MYZAP: variants seen among roughly 807,000 people sequenced by gnomAD.
MYZAP encodes myocardial zonula adherens protein.
In MYZAP, 66 loss-of-function variants were observed where a neutral mutation model predicts 69.4. The ratio of observed to expected loss-of-function variants is 0.95; its 90% CI spans 0.78 to 1.17. The LOEUF (loss-of-function observed/expected upper bound fraction) is 1.17. Among genes scored for constraint, MYZAP ranks in the 50% most tolerant of loss-of-function variants. MYZAP has a pLI of 0.00. For missense variants in MYZAP, 611 were observed against 556.2 expected (o/e 1.10, Z -0.99); for synonymous variants, 256 against 205.9 (o/e 1.24, Z -2.09).
chr15:57,665,324 GC>G (rs1442795284), intron 11 of MYZAP, among the ~76,000 whole-genome samples: 1 of 152,194 alleles, frequency 6.6e-6, no homozygotes, highest in Admixed American at 6.5e-5. Flanking sequence ...TTAGCAGTTG[GC>G]CCCGATATTT....
chr15:57,678,537 A>G (rs1442949976), intron 12 of MYZAP, among the ~76,000 whole-genome samples: 1 of 152,204 alleles, frequency 6.6e-6, no homozygotes, highest in Non-Finnish European at 1.5e-5. Flanking sequence ...AGATGATTTC[A>G]TTAACTTTTT....
intron 3 of MYZAP, among the ~76,000 whole-genome samples, chr15:57,620,573 G>A (rs1307561906): frequency 6.6e-6 from 1 of 152,240 alleles, no homozygotes; most frequent in Non-Finnish European, 1.5e-5. Flanking sequence ...GTACTGTAGA[G>A]AAACTTGAAC....
At chr15:57,622,686 T>C (rs1368992157) in intron 4 of MYZAP, among the ~76,000 whole-genome samples, 1 of 152,176 alleles carries the variant, frequency 6.6e-6, no homozygotes, top group Admixed American at 6.5e-5. Flanking sequence ...CTGTTGGAAG[T>C]CTTATACCTG....
At chr15:57,645,592 C>G (rs184543453) in intron 10 of MYZAP, among the ~76,000 whole-genome samples, 58 of 152,286 alleles carry the variant, frequency 3.8e-4, no homozygotes, top group African/African-American at 1.4e-3. Context: ...ATAAAATGCA[C>G]AGCATGTTAA....
intron 2 of MYZAP, among the ~76,000 whole-genome samples, chr15:57,612,842 C>T (rs1335047432): frequency 6.6e-6 from 1 of 152,210 alleles, no homozygotes; most frequent in African/African-American, 2.4e-5. Flanking sequence ...TCCAGAGATT[C>T]TGCGTATGTG....
chr15:57,667,373 A>G (rs895901545), intron 11 of MYZAP, among the ~76,000 whole-genome samples: 5 of 152,058 alleles, frequency 3.3e-5, no homozygotes, highest in African/African-American at 7.2e-5. Context: ...AGTGCTGCAC[A>G]TTTTCTCCCT....
chr15:57,646,220 C>T (rs1301506538), intron 10 of MYZAP: 9 of 1,289,078 alleles, frequency 7.0e-6, no homozygotes, highest in South Asian at 3.7e-5. Context: ...GGGTTGGAAG[C>T]GATTCCTTTA....
chr15:57,651,182 G>A (rs1394145595), intron 10 of MYZAP, among the ~76,000 whole-genome samples: 1 of 152,156 alleles, frequency 6.6e-6, no homozygotes, highest in African/African-American at 2.4e-5. Context: ...TTTAGGAAGC[G>A]CTTCCAAAAT....
rs2035269011 is a variant in MYZAP, at chr15:57,613,873, C to T, written c.163-4160C>T. ...CATGTTTCTCTAAAAGAGACTGTTT[C>T]TTAATATCATCATAATGCTCTTCTG... On this transcript the variant is annotated intron_variant, in intron 2 of 12. Transcript: ENST00000267853. 2.0e-5 allele frequency among the ~76,000 whole-genome samples: 3 copies of T among 152,182 alleles called. No individual in the cohort carries two copies. The South Asian group carries it at 6.2e-4, about 32-fold the overall frequency.
At chr15:57,644,720 C>T (rs2037351855) in intron 10 of MYZAP, among the ~76,000 whole-genome samples, 1 of 152,218 alleles carries the variant, frequency 6.6e-6, no homozygotes, top group Non-Finnish European at 1.5e-5. Flanking sequence ...CCCATCTTGG[C>T]CTCTCAGAGT....
intron 2 of MYZAP, among the ~76,000 whole-genome samples, chr15:57,610,012 C>T (rs1277226970): frequency 6.6e-6 from 1 of 152,180 alleles, no homozygotes; most frequent in Non-Finnish European, 1.5e-5. Flanking sequence ...CAGGGCCTCA[C>T]TGCACAGTTG....
At chr15:57,678,169 C>T (rs2039239865) in intron 12 of MYZAP, among the ~76,000 whole-genome samples, 1 of 152,104 alleles carries the variant, frequency 6.6e-6, no homozygotes, top group South Asian at 2.1e-4. Flanking sequence ...CAAGATCAGC[C>T]TGGGCAACTT....
chr15:57,628,494 C>T (rs1293865002), intron 5 of MYZAP, among the ~76,000 whole-genome samples: 2 of 151,936 alleles, frequency 1.3e-5, no homozygotes, highest in Non-Finnish European at 2.9e-5. Context: ...CTCAGGTGCT[C>T]CTCCCACCTC....
intron 10 of MYZAP, among the ~76,000 whole-genome samples, chr15:57,642,162 C>T (rs1007160780): frequency 1.3e-5 from 2 of 152,170 alleles, no homozygotes. Flanking sequence ...TTTAGAAGTT[C>T]TCTAGTGTTC....
intron 1 of MYZAP, chr15:57,599,846 G>A: frequency 1.9e-6 from 1 of 522,952 alleles, no homozygotes; most frequent in Non-Finnish European, 3.4e-6. Flanking sequence ...TTCTGTTAGG[G>A]ATTCAGAGTA....
chr15:57,632,060 G>A (rs1166456993), intron 6 of MYZAP, among the ~76,000 whole-genome samples: 1 of 152,212 alleles, frequency 6.6e-6, no homozygotes, highest in African/African-American at 2.4e-5. Context: ...GAAAGCACAA[G>A]GGTATGGAAA....
At chr15:57,675,114 T>C (rs2039055700) in intron 12 of MYZAP, 46 bp downstream of exon 12, 1 of 1,518,556 alleles carries the variant, frequency 6.6e-7, no homozygotes, top group South Asian at 1.2e-5. Flanking sequence ...AATTCCTCTT[T>C]GGCTGAAGAA....
intron 11 of MYZAP, among the ~76,000 whole-genome samples, chr15:57,674,056 G>A (rs1190392772): frequency 6.6e-6 from 1 of 152,156 alleles, no homozygotes; most frequent in Non-Finnish European, 1.5e-5. Context: ...TAGCGTTACT[G>A]AAAAATATAT....
intron 10 of MYZAP, among the ~76,000 whole-genome samples, chr15:57,660,903 C>G (rs1291908004): frequency 6.6e-6 from 1 of 152,190 alleles, no homozygotes; most frequent in Non-Finnish European, 1.5e-5. Context: ...CATGAGTCTT[C>G]AGTCCTCTGA....
Sources: gnomAD v4.1 joint callset for allele counts (sites outside exome capture counted in the v4.1 genomes callset) on GRCh38, gnomAD v4.1.1 for gene constraint, MANE v1.5 for transcripts, NCBI Gene and HGNC (gene_info 2026-07-23, HGNC 2026-07-21) for gene names.